The following ST3GAL3 variants were observed in gnomAD, a reference collection of about 807,000 sequenced individuals.
The protein encoded by ST3GAL3 is ST3 beta-galactoside alpha-2,3-sialyltransferase 3.
In ST3GAL3, 21 loss-of-function variants were observed where a neutral mutation model predicts 50.1. That is an observed-to-expected ratio of 0.42 (90% CI 0.30 to 0.60). ST3GAL3 has a LOEUF of 0.60. Among genes scored for constraint, ST3GAL3 ranks in the 20% least tolerant of loss-of-function variants. The probability of loss-of-function intolerance (pLI) is 0.19; values close to 1 mark genes in which losing one functional copy is unlikely to be tolerated. For synonymous variants in ST3GAL3, 183 were observed against 190.0 expected (o/e 0.96, Z 0.30); for missense variants, 353 against 489.4 (o/e 0.72, Z 2.63).
At chr1:43,778,959 TCAGA>T (rs1281441563) in intron 2 of ST3GAL3, among the ~76,000 whole-genome samples, 2 of 142,864 alleles carry the variant, frequency 1.4e-5, no homozygotes, top group Non-Finnish European at 3.0e-5. Flanking sequence ...TCTTTTTTTT[TCAGA>T]CAGAGTTTTG....
chr1:43,926,997 C>T (rs911579181), intron 11 of ST3GAL3, among the ~76,000 whole-genome samples: 1 of 152,184 alleles, frequency 6.6e-6, no homozygotes, highest in Non-Finnish European at 1.5e-5. Context: ...TCCACTGATT[C>T]AAACATGTCT....
intron 5 of ST3GAL3, chr1:43,850,151 A>C (rs2067006790): frequency 4.7e-6 from 1 of 211,812 alleles, no homozygotes; most frequent in South Asian, 7.6e-5. Context: ...TTGTGAAGAA[A>C]ACATGAAAAA....
At chr1:43,762,324 A>T (rs1690815083) in intron 2 of ST3GAL3, among the ~76,000 whole-genome samples, 1 of 151,902 alleles carries the variant, frequency 6.6e-6, no homozygotes, top group Non-Finnish European at 1.5e-5. Context: ...ACAGGTATGT[A>T]ACCATATCTG....
At chr1:43,904,917 TCCC>T in intron 9 of ST3GAL3, among the ~76,000 whole-genome samples, 1 of 35,922 alleles carries the variant, frequency 2.8e-5, no homozygotes. Flanking sequence ...CTGCTCCTCT[TCCC>T]GCCACTCTTC....
chr1:43,795,809 A>T (rs904573785), intron 3 of ST3GAL3, among the ~76,000 whole-genome samples: 2 of 152,220 alleles, frequency 1.3e-5, no homozygotes, highest in African/African-American at 4.8e-5. Context: ...ACTCTGAAAC[A>T]TAAATAGTAG....
chr1:43,776,738 C>CT (rs1343122880), intron 2 of ST3GAL3, among the ~76,000 whole-genome samples: 1 of 152,146 alleles, frequency 6.6e-6, no homozygotes, highest in Non-Finnish European at 1.5e-5. Flanking sequence ...ATTCTTAATA[C>CT]TTATAATGAT....
chr1:43,817,371 CCTTCTTCTCCTT>C (rs1558433460), intron 4 of ST3GAL3, among the ~76,000 whole-genome samples: 14 of 85,466 alleles, frequency 1.6e-4, no homozygotes, highest in South Asian at 4.1e-4. Context: ...TCCTTCTTCT[CCTTCTTCTCCTT>C]CTTCTTCTCC....
Position 43,838,323 on chromosome 1 carries a change from T to C in ST3GAL3, c.302+12T>C, listed in dbSNP as rs765931949. 6.2e-7 allele frequency: 1 copy of C among 1,612,326 alleles called. No homozygotes were observed. Among genetic ancestry groups the C allele is most frequent in the Non-Finnish European group, 8.5e-7 (1 of 1,178,698 alleles). On this transcript the variant is annotated intron_variant, in intron 5 of 11. Transcript: ENST00000347631. ...GCCATCTTCCCCCGGTAAGTGCTCC[T>C]GTTTCCCTCCACTGCCTAGACAGCC...
At chr1:43,783,743 C>A (rs1051873121) in intron 2 of ST3GAL3, among the ~76,000 whole-genome samples, 1 of 151,922 alleles carries the variant, frequency 6.6e-6, no homozygotes, top group African/African-American at 2.4e-5. Flanking sequence ...ACTGCCCCCA[C>A]CCCCCGCAGT....
intron 2 of ST3GAL3, among the ~76,000 whole-genome samples, chr1:43,744,655 A>AAATAAAT (rs758984209): frequency 0.012 from 1,739 of 140,944 alleles, 18 homozygotes; most frequent in East Asian, 0.021. Context: ...TCCCTCTCAA[A>AAATAAAT]AAATAAATAA....
intron 4 of ST3GAL3, among the ~76,000 whole-genome samples, chr1:43,830,758 T>G (rs1176268286): frequency 2.6e-5 from 4 of 152,232 alleles, no homozygotes; most frequent in Non-Finnish European, 4.4e-5. Flanking sequence ...ATTGTTTTAG[T>G]GGCCCTCCCT....
chr1:43,821,656 C>T (rs2062108580), intron 4 of ST3GAL3, among the ~76,000 whole-genome samples: 1 of 152,114 alleles, frequency 6.6e-6, no homozygotes, highest in Non-Finnish European at 1.5e-5. Context: ...CATTGCCAGC[C>T]TTGTGGTTGC....
chr1:43,918,903 T>C (rs2082533695), intron 9 of ST3GAL3, among the ~76,000 whole-genome samples: 1 of 151,966 alleles, frequency 6.6e-6, no homozygotes, highest in South Asian at 2.1e-4. Context: ...TTCTCACATA[T>C]TTCTTATGTT....
intron 4 of ST3GAL3, among the ~76,000 whole-genome samples, chr1:43,824,301 C>T (rs183963097): frequency 4.3e-4 from 65 of 151,582 alleles, no homozygotes; most frequent in Admixed American, 3.8e-3. Flanking sequence ...GAGAGACTGT[C>T]ACTTGAAGAA....
chr1:43,909,301 C>T (rs1175704022), intron 9 of ST3GAL3, among the ~76,000 whole-genome samples: 1 of 152,170 alleles, frequency 6.6e-6, no homozygotes, highest in Non-Finnish European at 1.5e-5. Flanking sequence ...AGGTTCAGAC[C>T]CTTGCATCCT....
chr1:43,787,423 A>G (rs921318537), intron 2 of ST3GAL3, among the ~76,000 whole-genome samples: 1 of 152,156 alleles, frequency 6.6e-6, no homozygotes. Context: ...TTTAGAATAA[A>G]TCACAAATAA....
intron 4 of ST3GAL3, among the ~76,000 whole-genome samples, chr1:43,820,681 A>T (rs1282022206): frequency 6.6e-6 from 1 of 152,120 alleles, no homozygotes; most frequent in Non-Finnish European, 1.5e-5. Context: ...TGCTGCTTGT[A>T]TCTACATGAC....
At chr1:43,814,748 G>A in intron 3 of ST3GAL3, 143 bp from the exon 4 acceptor site, 2 of 823,214 alleles carry the variant, frequency 2.4e-6, no homozygotes, top group South Asian at 1.3e-5. Context: ...TGTGGTTTAT[G>A]TATTTAGTTA....
At chr1:43,850,715 C>G (rs3791078) in intron 5 of ST3GAL3, 32,416 of 736,860 alleles carry the variant, frequency 0.044, 933 homozygotes, top group East Asian at 0.13. Flanking sequence ...TTTGGTAGCC[C>G]AGCTCCGTCA....
Sources: allele counts gnomAD v4.1 joint callset (sites outside exome capture counted in the v4.1 genomes callset), GRCh38; gene constraint gnomAD v4.1.1; transcripts MANE v1.5; gene names NCBI Gene and HGNC (gene_info 2026-07-23, HGNC 2026-07-21).